Variants in ADAMTS20 observed in about 807,000 individuals in gnomAD.
ADAMTS20 encodes A disintegrin and metalloproteinase with thrombospondin motifs 20.
In ADAMTS20, 225 loss-of-function variants were observed where a neutral mutation model predicts 260.1. The ratio of observed to expected loss-of-function variants is 0.87; its 90% CI spans 0.78 to 0.97. ADAMTS20 has a LOEUF of 0.97. Ranked by LOEUF, ADAMTS20 falls within the 50% of genes least tolerant of loss-of-function variation. The pLI, the probability that ADAMTS20 is intolerant of heterozygous loss-of-function variation, is 0.00. For missense variants in ADAMTS20, 2,400 were observed against 2,337.7 expected (o/e 1.03, Z -0.55); for synonymous variants, 802 against 769.5 (o/e 1.04, Z -0.70).
chr12:43,451,945 T>G (rs551245441), intron 14 of ADAMTS20, among the ~76,000 whole-genome samples: 1 of 152,292 alleles, frequency 6.6e-6, no homozygotes, highest in Admixed American at 6.5e-5. Flanking sequence ...ACACTTAAAG[T>G]AGCAAAATCT....
intron 28 of ADAMTS20, among the ~76,000 whole-genome samples, chr12:43,416,132 G>A (rs898279563): frequency 6.6e-6 from 1 of 152,064 alleles, no homozygotes; most frequent in Non-Finnish European, 1.5e-5. Flanking sequence ...TCCTCCACTG[G>A]CTTATTCTAC....
intron 3 of ADAMTS20, among the ~76,000 whole-genome samples, chr12:43,507,917 A>G (rs1220134857): frequency 6.6e-6 from 1 of 152,174 alleles, no homozygotes; most frequent in Admixed American, 6.5e-5. Flanking sequence ...GTTCTCACTT[A>G]CAAGTGGAAG....
In ADAMTS20 at chr12:43,539,886, A is replaced by ATTT. The variant is rs11437185; in HGVS notation, c.454-7694_454-7692dup. Among the ~76,000 whole-genome samples, 45 of 146,536 alleles carry ATTT rather than the reference A, an allele frequency of 3.1e-4. No homozygotes were observed. In the East Asian group the frequency reaches 6.9e-3, roughly 22 times the overall value. On this transcript the variant is annotated intron_variant, in intron 2 of 38. Transcript: ENST00000389420. ...TTAAAAGTACTTATATTAACCATAG[A>ATTT]TTTTTTTTTTTTTTTGAGACAGAGT...
chr12:43,471,366 A>G (rs947402182), intron 7 of ADAMTS20, among the ~76,000 whole-genome samples: 5 of 136,448 alleles, frequency 3.7e-5, no homozygotes, highest in Admixed American at 2.3e-4. Flanking sequence ...TTGCTAGCAC[A>G]GCAGTCTGAG....
At chr12:43,355,157 C>T (rs1044954975) in intron 38 of ADAMTS20, among the ~76,000 whole-genome samples, 1 of 152,158 alleles carries the variant, frequency 6.6e-6, no homozygotes, top group Non-Finnish European at 1.5e-5. Context: ...AGACCGGAAG[C>T]TTTTGAAGTT....
intron 2 of ADAMTS20, among the ~76,000 whole-genome samples, chr12:43,550,489 T>C (rs1255724723): frequency 6.6e-6 from 1 of 152,208 alleles, no homozygotes; most frequent in African/African-American, 2.4e-5. Context: ...ATATTCATTC[T>C]CCTTTCCTTC....
intron 22 of ADAMTS20, among the ~76,000 whole-genome samples, chr12:43,430,994 G>A (rs1266770874): frequency 2.0e-5 from 3 of 152,152 alleles, no homozygotes; most frequent in Admixed American, 6.5e-5. Context: ...TCAGCAAAAC[G>A]TCTAAACGAT....
At chr12:43,514,452 C>T (rs1403608981) in intron 3 of ADAMTS20, among the ~76,000 whole-genome samples, 1 of 150,960 alleles carries the variant, frequency 6.6e-6, no homozygotes, top group Non-Finnish European at 1.5e-5. Flanking sequence ...ATCCCAGTTA[C>T]TCGGGAGGCT....
chr12:43,503,526 A>G (rs61926791), intron 3 of ADAMTS20, among the ~76,000 whole-genome samples: 14,715 of 152,176 alleles, frequency 0.097, 891 homozygotes, highest in Admixed American at 0.2. Flanking sequence ...ATTTTTTTTA[A>G]TTAATATAAA....
At chr12:43,525,071 T>C (rs971919012) in intron 3 of ADAMTS20, among the ~76,000 whole-genome samples, 6 of 141,918 alleles carry the variant, frequency 4.2e-5, no homozygotes, top group Non-Finnish European at 4.9e-5. Context: ...CATCAGTGCA[T>C]ATAGTCATCA....
At chr12:43,507,864 T>C (rs1942868294) in intron 3 of ADAMTS20, among the ~76,000 whole-genome samples, 1 of 152,150 alleles carries the variant, frequency 6.6e-6, no homozygotes, top group African/African-American at 2.4e-5. Flanking sequence ...GAGGCCATTA[T>C]CCTTAACAAT....
chr12:43,492,751 G>C, intron 5 of ADAMTS20, 122 bp from the exon 6 acceptor site: 1 of 1,075,146 alleles, frequency 9.3e-7, no homozygotes, highest in Non-Finnish European at 1.3e-6. Flanking sequence ...AGGAGTGACA[G>C]CATCTCTTCT....
rs1348883712 is a variant in ADAMTS20, at chr12:43,453,615, T to C, written c.1760+292A>G. ...GCATACAGTAAATGTGAAAATGACA[T>C]TATATAACTGTGATTCATATTTATA... On this transcript the variant is annotated intron_variant, in intron 12 of 38. Coordinates refer to ENST00000389420, the MANE Select transcript of ADAMTS20 (RefSeq NM_025003.5). Among the ~76,000 whole-genome samples the C allele has an allele frequency of 2.0e-5, 3 of 152,084 alleles. No individual in the cohort carries two copies. In the East Asian group the frequency reaches 5.8e-4, roughly 29 times the overall value.
chr12:43,468,575 T>C, intron 8 of ADAMTS20, 25 bp downstream of exon 8: 1 of 1,370,556 alleles, frequency 7.3e-7, no homozygotes, highest in Non-Finnish European at 1.0e-6. Flanking sequence ...GAATGCACAT[T>C]AAGGAGGTGA....
intron 28 of ADAMTS20, among the ~76,000 whole-genome samples, chr12:43,400,772 C>T (rs1193301614): frequency 6.6e-6 from 1 of 151,702 alleles, no homozygotes; most frequent in African/African-American, 2.4e-5. Flanking sequence ...GTGCTGACTA[C>T]TTTGAGTATG....
rs141945387 is a variant in ADAMTS20 at position 43,407,929 on chromosome 12, A to G, written c.4285-8696T>C. ...AATAATATTCTTTGTATGTACTACA[A>G]AGGGGAAATGAACATTTCAGACTCC... On this transcript the variant is annotated intron_variant, in intron 28 of 38. Transcript: ENST00000389420. Among the ~76,000 whole-genome samples the G allele has an allele frequency of 3.9e-3, 594 of 152,312 alleles. 10 individuals carry two copies. Among genetic ancestry groups the G allele is most frequent in the Admixed American group, 0.032 (486 of 15,296 alleles).
Position 43,427,506 on chromosome 12 carries a change from G to A in ADAMTS20, c.3946-37C>T, listed in dbSNP as rs201291526. 1.3e-4 allele frequency: 207 copies of A among 1,541,034 alleles called. 2 individuals carry two copies. The highest frequency in any genetic ancestry group is 3.5e-4 in the Middle Eastern group (2 of 5,756). ...AAAACACAAAATATGCACAAACTGC[G>A]GATTCCACATAATGAATTTACATGG... is the stretch of plus-strand genomic sequence containing the variant. On this transcript the variant is annotated intron_variant, in intron 26 of 38. Transcript: ENST00000389420.
At chr12:43,421,897 G>C (rs1327597434) in intron 28 of ADAMTS20, among the ~76,000 whole-genome samples, 1 of 151,810 alleles carries the variant, frequency 6.6e-6, no homozygotes, top group Non-Finnish European at 1.5e-5. Context: ...GAAATTAACA[G>C]TTTGTTATTT....
intron 3 of ADAMTS20, among the ~76,000 whole-genome samples, chr12:43,520,734 T>C (rs1447295992): frequency 6.6e-6 from 1 of 152,212 alleles, no homozygotes; most frequent in East Asian, 1.9e-4. Flanking sequence ...TAACAAGTTA[T>C]AGTACACAAT....
Sources: allele counts gnomAD v4.1 joint callset (sites outside exome capture counted in the v4.1 genomes callset), GRCh38; gene constraint gnomAD v4.1.1; transcripts MANE v1.5; gene names NCBI Gene and HGNC (gene_info 2026-07-23, HGNC 2026-07-21).